Variants in HOMER2 observed in about 807,000 individuals in gnomAD.
The protein encoded by HOMER2 is homer scaffold protein 2.
HOMER2 carries 27 observed loss-of-function variants against 47.0 expected under a neutral mutation model. The observed-to-expected ratio is 0.57, with a 90% CI of 0.42 to 0.79. The LOEUF is 0.79. HOMER2 is among the 30% of genes least tolerant of loss of function. The pLI, the probability that HOMER2 is intolerant of heterozygous loss-of-function variation, is 0.00. For synonymous variants in HOMER2, 161 were observed against 163.8 expected, an observed-to-expected ratio of 0.98 and a Z score of 0.13; for missense variants, 443 against 435.0, an observed-to-expected ratio of 1.02 and a Z score of -0.16.
chr15:82,891,571 G>A (rs2052706118), intron 2 of HOMER2, among the ~76,000 whole-genome samples: 3 of 152,130 alleles, frequency 2.0e-5, no homozygotes, highest in Admixed American at 6.6e-5. Context: ...TGTGGAGTGT[G>A]GGGAGAAGCC....
intron 2 of HOMER2, among the ~76,000 whole-genome samples, chr15:82,879,697 G>C (rs1309629308): frequency 6.6e-6 from 1 of 152,186 alleles, no homozygotes; most frequent in Non-Finnish European, 1.5e-5. Flanking sequence ...TGACTGATCA[G>C]GGTGGTGGTT....
chr15:82,981,379 T>C (rs970655612), intron 1 of HOMER2, among the ~76,000 whole-genome samples: 4 of 152,154 alleles, frequency 2.6e-5, no homozygotes, highest in African/African-American at 9.7e-5. Context: ...CAAACTAAGG[T>C]TTAAAGTTAT....
chr15:82,910,481 G>A (rs1432699674), intron 1 of HOMER2, among the ~76,000 whole-genome samples: 1 of 152,174 alleles, frequency 6.6e-6, no homozygotes, highest in Admixed American at 6.5e-5. Context: ...AGCCACGTAG[G>A]TCATGATAAA....
In HOMER2 at chr15:82,854,763, T is replaced by A; in HGVS notation, c.532A>T (p.Thr178Ser). ...NVKKWEIELQTLRESNARLTT... is the reference protein window; with the variant it reads ...NVKKWEIELQSLRESNARLTT... ...AGCCGTGCATTGCTCTCCCGAAGGG[T>A]CTGCAGCTCGATCTCCCACTTCTTC... Residue 178 changes from threonine (T) to serine (S), a missense_variant, in exon 6 of 9, where the codon ACC becomes TCC. Coordinates refer to ENST00000450735, the MANE Select transcript of HOMER2 (RefSeq NM_004839.4). 6.2e-7 allele frequency: 1 copy of A among 1,611,304 alleles called. No homozygotes were observed. The highest frequency in any genetic ancestry group is 8.5e-7 in the Non-Finnish European group (1 of 1,179,632).
exon 2 of HOMER2, chr15:82,838,455 C>T (rs1383510549): frequency 6.6e-6 from 1 of 152,234 alleles, no homozygotes; most frequent in Non-Finnish European, 1.5e-5. Context: ...CCCGTGCAAA[C>T]ACACATTGGG....
chr15:82,936,332 GGA>G (rs1420283721), intron 1 of HOMER2, among the ~76,000 whole-genome samples: 3 of 152,116 alleles, frequency 2.0e-5, no homozygotes, highest in African/African-American at 2.4e-5. Context: ...TTTTATTTGT[GGA>G]TCCATTTACA....
intron 1 of HOMER2, among the ~76,000 whole-genome samples, chr15:82,934,995 C>T (rs982892053): frequency 7.2e-5 from 11 of 152,086 alleles, no homozygotes; most frequent in Admixed American, 2.0e-4. Context: ...ACACCAATCC[C>T]GCCTGCATCT....
chr15:82,854,903 G>A (rs939192596), intron 5 of HOMER2, 103 bp from the exon 6 acceptor site: 16 of 1,382,050 alleles, frequency 1.2e-5, no homozygotes, highest in Admixed American at 5.8e-5. Flanking sequence ...CACCCCTGGG[G>A]GGCCCACGCC....
intron 1 of HOMER2, among the ~76,000 whole-genome samples, chr15:82,907,627 T>C (rs2053327349): frequency 1.3e-5 from 2 of 152,124 alleles, no homozygotes; most frequent in South Asian, 4.1e-4. Flanking sequence ...CATCAACCAA[T>C]GGGGTATAAT....
chr15:82,875,046 C>A (rs2052302494), intron 3 of HOMER2, among the ~76,000 whole-genome samples: 1 of 152,138 alleles, frequency 6.6e-6, no homozygotes, highest in Non-Finnish European at 1.5e-5. Flanking sequence ...CAACTTCAGG[C>A]CCCAAAGCAG....
chr15:82,882,089 A>G (rs2151084728), intron 2 of HOMER2, among the ~76,000 whole-genome samples: 1 of 152,366 alleles, frequency 6.6e-6, no homozygotes, highest in South Asian at 2.1e-4. Context: ...AAAACTCACC[A>G]TAAATCACAT....
At position 82,854,750 on chromosome 15, in the gene HOMER2, C is replaced by A; in HGVS notation, c.545G>T (p.Ser182Ile). Residue 182 changes from serine to isoleucine, a missense_variant, in exon 6 of 9, where the codon AGC becomes ATC. Coordinates refer to ENST00000450735, the MANE Select transcript of HOMER2 (RefSeq NM_004839.4). ...WEIELQTLRESNARLTTALQE... is the reference protein window; with the variant it reads ...WEIELQTLREINARLTTALQE... The stretch of plus-strand genomic sequence containing the variant: ...CAGTGCTGTGGTCAGCCGTGCATTG[C>A]TCTCCCGAAGGGTCTGCAGCTCGAT... 1 of 1,612,220 alleles carries A rather than the reference C, an allele frequency of 6.2e-7. No individual in the cohort carries two copies. The highest frequency in any genetic ancestry group is 8.5e-7 in the Non-Finnish European group (1 of 1,179,830).
chr15:82,876,678 C>T (rs990021973), intron 2 of HOMER2, among the ~76,000 whole-genome samples: 2 of 152,208 alleles, frequency 1.3e-5, no homozygotes, highest in Non-Finnish European at 2.9e-5. Flanking sequence ...AAAGAGTGAA[C>T]CTACCAGCAA....
At chr15:82,860,174 T>C (rs2051730374) in intron 4 of HOMER2, among the ~76,000 whole-genome samples, 1 of 152,072 alleles carries the variant, frequency 6.6e-6, no homozygotes, top group African/African-American at 2.4e-5. Flanking sequence ...AGGCGGAGGT[T>C]GCAGTGAGCT....
At chr15:82,957,483 G>T (rs763540983), upstream of HOMER2, among the ~76,000 whole-genome samples, 1 of 152,082 alleles carries the variant, frequency 6.6e-6, no homozygotes, top group East Asian at 1.9e-4. Flanking sequence ...TTAAAATTTA[G>T]TACAGTTTGA....
intron 1 of HOMER2, among the ~76,000 whole-genome samples, chr15:82,900,557 G>A (rs951687792): frequency 6.6e-6 from 1 of 152,200 alleles, no homozygotes; most frequent in Non-Finnish European, 1.5e-5. Context: ...CTCAGATATT[G>A]AAATGTATTA....
intron 1 of HOMER2, among the ~76,000 whole-genome samples, chr15:82,900,047 T>C (rs1169383989): frequency 3.3e-5 from 5 of 151,862 alleles, no homozygotes; most frequent in Non-Finnish European, 7.4e-5. Flanking sequence ...TATATAATAA[T>C]AGATTGCCAA....
chr15:82,983,382 GA>G (rs1344773796), intron 1 of HOMER2, among the ~76,000 whole-genome samples: 1 of 152,168 alleles, frequency 6.6e-6, no homozygotes, highest in Non-Finnish European at 1.5e-5. Context: ...TATCTGGGTA[GA>G]GCCTCTCTTT....
intron 1 of HOMER2, among the ~76,000 whole-genome samples, chr15:82,895,113 T>C (rs1448282933): frequency 6.6e-6 from 1 of 152,252 alleles, no homozygotes; most frequent in East Asian, 1.9e-4. Context: ...GCTGCTTCAA[T>C]GCAGCTGTTT....
Sources: allele counts gnomAD v4.1 joint callset (sites outside exome capture counted in the v4.1 genomes callset), GRCh38; gene constraint gnomAD v4.1.1; transcripts MANE v1.5; gene names NCBI Gene and HGNC (gene_info 2026-07-23, HGNC 2026-07-21).